RGS7: variants seen among roughly 807,000 people sequenced by gnomAD.
The protein encoded by RGS7 is regulator of G protein signaling 7.
A neutral mutation model predicts 81.1 loss-of-function variants in RGS7; 27 were observed. The observed-to-expected ratio is 0.33, with a 90% confidence interval of 0.25 to 0.46. The LOEUF (loss-of-function observed/expected upper bound fraction) is 0.46, where lower values mean the gene tolerates loss of function less well. Ranked by LOEUF, RGS7 falls within the 20% of genes least tolerant of loss-of-function variation. The probability of loss-of-function intolerance (pLI) is 1.00; values close to 1 mark genes in which losing one functional copy is unlikely to be tolerated. For missense variants in RGS7, 396 were observed against 607.4 expected, an observed-to-expected ratio of 0.65 and a Z score of 3.66; for synonymous variants, 208 against 207.7, an observed-to-expected ratio of 1.00 and a Z score of -0.01.
chr1:241,315,303 G>C (rs1008006945), intron 2 of RGS7, among the ~76,000 whole-genome samples: 7 of 151,650 alleles, frequency 4.6e-5, no homozygotes, highest in Admixed American at 1.3e-4. Flanking sequence ...TGTAATTAAA[G>C]TGGACCTCCT....
intron 2 of RGS7, among the ~76,000 whole-genome samples, chr1:241,292,713 A>G (rs2079156680): frequency 6.6e-6 from 1 of 152,204 alleles, no homozygotes; most frequent in Non-Finnish European, 1.5e-5. Context: ...TACTATGGCC[A>G]AGCAGCCTAA....
intron 3 of RGS7, among the ~76,000 whole-genome samples, chr1:241,081,083 G>A (rs565907645): frequency 9.2e-5 from 14 of 152,266 alleles, no homozygotes; most frequent in South Asian, 2.1e-4. Context: ...TAGGCTATCC[G>A]TGACCCTTGG....
At chr1:240,793,438 A>G (rs1686356623) in intron 18 of RGS7, among the ~76,000 whole-genome samples, 2 of 151,842 alleles carry the variant, frequency 1.3e-5, no homozygotes, top group South Asian at 2.1e-4. Flanking sequence ...CAAAATGACA[A>G]ATGAGATGGT....
chr1:241,310,069 T>C (rs2080415446), intron 2 of RGS7, among the ~76,000 whole-genome samples: 2 of 152,302 alleles, frequency 1.3e-5, no homozygotes, highest in South Asian at 2.1e-4. Context: ...AAAAACGACA[T>C]TAATCCTGTT....
intron 9 of RGS7, among the ~76,000 whole-genome samples, chr1:240,867,996 A>AT (rs924661415): frequency 3.8e-5 from 5 of 131,014 alleles, no homozygotes; most frequent in Non-Finnish European, 7.1e-5. Context: ...GCCAGATCCC[A>AT]TAAAAAAAGA....
At chr1:241,198,372 AAC>A (rs2073240008) in intron 2 of RGS7, among the ~76,000 whole-genome samples, 1 of 152,084 alleles carries the variant, frequency 6.6e-6, no homozygotes, top group African/African-American at 2.4e-5. Flanking sequence ...AACTGAAGCA[AAC>A]ACATAATAGA....
rs943705651 is a variant in RGS7 at position 241,132,802 on chromosome 1, G to A, written c.79-34040C>T. 9.2e-5 allele frequency among the ~76,000 whole-genome samples: 14 copies of A among 151,934 alleles called. 1 individual carries two copies. Among genetic ancestry groups the A allele is most frequent in the African/African-American group, 2.7e-4 (11 of 41,324 alleles). ...GTTTTAGACGGAGTCTAGCTCTGTC[G>A]CCCAGGCTGGAGTGCAGTGGCACAA... On this transcript the variant is annotated intron_variant, in intron 2 of 18. Coordinates refer to ENST00000440928, the MANE Select transcript of RGS7 (RefSeq NM_001364886.1).
At chr1:241,259,667 A>AATATATATATATATAT (rs59037983) in intron 2 of RGS7, among the ~76,000 whole-genome samples, 46 of 48,998 alleles carry the variant, frequency 9.4e-4, no homozygotes, top group Middle Eastern at 0.029. Context: ...AAAAAAAAAA[A>AATATATATATATATAT]ATATATATAT....
At chr1:241,073,643 A>C (rs1041505127) in intron 3 of RGS7, among the ~76,000 whole-genome samples, 2 of 152,186 alleles carry the variant, frequency 1.3e-5, no homozygotes, top group African/African-American at 2.4e-5. Context: ...TTCAGTGGGA[A>C]CAAGAGCATG....
At chr1:240,963,246 T>C (rs192728561) in intron 4 of RGS7, among the ~76,000 whole-genome samples, 1 of 152,244 alleles carries the variant, frequency 6.6e-6, no homozygotes, top group East Asian at 1.9e-4. Flanking sequence ...GTTCAGTCTA[T>C]GAGATGCCCA....
chr1:241,323,123 T>C (rs2081302338), intron 2 of RGS7, among the ~76,000 whole-genome samples: 1 of 152,200 alleles, frequency 6.6e-6, no homozygotes, highest in Non-Finnish European at 1.5e-5. Context: ...CACTGCAAAC[T>C]CCCCAAACTG....
Position 240,995,221 on chromosome 1 carries a change from T to C in RGS7, c.176-12092A>G, listed in dbSNP as rs373384281. 1.1e-4 allele frequency among the ~76,000 whole-genome samples: 17 copies of C among 152,336 alleles called. 1 individual carries two copies. Among genetic ancestry groups the C allele is most frequent in the Admixed American group, 3.3e-4 (5 of 15,298 alleles). ...TGGTTATGGTGTATAATTATTTTTA[T>C]ATATTGCTAAATTCTATTTGTTATA... On this transcript the variant is annotated intron_variant, in intron 3 of 18. Coordinates refer to ENST00000440928, the MANE Select transcript of RGS7 (RefSeq NM_001364886.1).
At chr1:241,260,606 C>T (rs12132395) in intron 2 of RGS7, among the ~76,000 whole-genome samples, 45,364 of 151,936 alleles carry the variant, frequency 0.3, 7,014 homozygotes, top group South Asian at 0.38. Context: ...TTGGATAAGG[C>T]ATTTACCTTC....
At chr1:240,930,406 A>C (rs150578218) in intron 6 of RGS7, among the ~76,000 whole-genome samples, 1 of 151,986 alleles carries the variant, frequency 6.6e-6, no homozygotes, top group Non-Finnish European at 1.5e-5. Flanking sequence ...CTATGGGTCT[A>C]TTTTTTATTC....
intron 2 of RGS7, among the ~76,000 whole-genome samples, chr1:241,232,413 C>T (rs909005536): frequency 6.6e-6 from 1 of 151,810 alleles, no homozygotes; most frequent in Non-Finnish European, 1.5e-5. Context: ...CATTTTATTG[C>T]CCAGGCTGGT....
chr1:240,796,926 T>C (rs915600958), intron 18 of RGS7, among the ~76,000 whole-genome samples: 1 of 152,172 alleles, frequency 6.6e-6, no homozygotes, highest in Non-Finnish European at 1.5e-5. Context: ...CTACAGATAA[T>C]TGTCTTCATT....
intron 2 of RGS7, among the ~76,000 whole-genome samples, chr1:241,273,189 A>G (rs1048117191): frequency 1.1e-5 from 1 of 87,010 alleles, no homozygotes. Flanking sequence ...CCCCCCCCAA[A>G]GGATACACTC....
At chr1:241,139,320 A>G (rs563821375) in intron 2 of RGS7, among the ~76,000 whole-genome samples, 3 of 133,368 alleles carry the variant, frequency 2.2e-5, no homozygotes, top group East Asian at 2.2e-4. Context: ...CCTTCCTTCT[A>G]TTCTTCCTCT....
intron 2 of RGS7, among the ~76,000 whole-genome samples, chr1:241,129,529 G>C (rs929689888): frequency 6.6e-6 from 1 of 152,100 alleles, no homozygotes; most frequent in Non-Finnish European, 1.5e-5. Flanking sequence ...AAAAAGCATC[G>C]CCAGCACCCT....
Sources: gnomAD v4.1 joint callset for allele counts (sites outside exome capture counted in the v4.1 genomes callset) on GRCh38, gnomAD v4.1.1 for gene constraint, MANE v1.5 for transcripts, NCBI Gene and HGNC (gene_info 2026-07-23, HGNC 2026-07-21) for gene names.